Variants in TRMT11 observed in about 807,000 individuals in gnomAD.
The protein encoded by TRMT11 is tRNA methyltransferase 11.
A neutral mutation model predicts 62.8 loss-of-function variants in TRMT11; 53 were observed. That is an observed-to-expected ratio of 0.84 (90% CI 0.68 to 1.06). The LOEUF is 1.06. Ranked by LOEUF, TRMT11 falls within the 50% of genes least tolerant of loss-of-function variation. The pLI, the probability that TRMT11 is intolerant of heterozygous loss-of-function variation, is 0.00. For missense variants in TRMT11, 556 were observed against 553.4 expected (o/e 1.00, Z -0.05); for synonymous variants, 188 against 190.3 (o/e 0.99, Z 0.10).
chr6:126,060,189 A>T (rs1776490648), intron 17 of TRMT11, among the ~76,000 whole-genome samples: 1 of 152,144 alleles, frequency 6.6e-6, no homozygotes, highest in South Asian at 2.1e-4. Flanking sequence ...GTTCTGTTTT[A>T]TTCTTCCTTT....
At chr6:126,051,253 G>C (rs1776210921) in intron 16 of TRMT11, among the ~76,000 whole-genome samples, 1 of 152,206 alleles carries the variant, frequency 6.6e-6, no homozygotes, top group Non-Finnish European at 1.5e-5. Flanking sequence ...TAGTTAGCCA[G>C]GTTAAGCTGG....
chr6:126,190,543 C>T (rs1778586371), intron 1 of TRMT11, among the ~76,000 whole-genome samples: 1 of 152,142 alleles, frequency 6.6e-6, no homozygotes, highest in Non-Finnish European at 1.5e-5. Context: ...AACCTCCTTC[C>T]TTTATAATTA....
intron 21 of TRMT11, among the ~76,000 whole-genome samples, chr6:126,154,431 A>G (rs910507434): frequency 2.0e-5 from 3 of 151,996 alleles, no homozygotes; most frequent in Admixed American, 6.6e-5. Context: ...CCTTGTATGG[A>G]AAAGTTTTAC....
intron 11 of TRMT11, among the ~76,000 whole-genome samples, chr6:126,019,273 A>G (rs1389943738): frequency 1.3e-5 from 2 of 152,232 alleles, no homozygotes; most frequent in African/African-American, 2.4e-5. Flanking sequence ...TAATAGATTA[A>G]TTGTTAAAAA....
intron 21 of TRMT11, among the ~76,000 whole-genome samples, chr6:126,142,306 C>T (rs1348436040): frequency 6.6e-6 from 1 of 152,032 alleles, no homozygotes; most frequent in Non-Finnish European, 1.5e-5. Context: ...AATTCCACAT[C>T]CTTGAGAGAT....
At chr6:126,202,303 T>A (rs377570966), downstream of TRMT11, 1 of 152,214 alleles carries the variant, frequency 6.6e-6, no homozygotes, top group East Asian at 1.9e-4. Context: ...TTTCTTAGGT[T>A]GATGTACCCA....
the TRMT11 span, among the ~76,000 whole-genome samples, chr6:126,256,114 T>C: frequency 6.6e-6 from 1 of 152,232 alleles, no homozygotes; most frequent in African/African-American, 2.4e-5. Flanking sequence ...AGGCTGGTGC[T>C]GGCTGTTGGT....
chr6:126,200,860 C>T (rs1778727944), intron 3 of TRMT11, among the ~76,000 whole-genome samples: 1 of 152,186 alleles, frequency 6.6e-6, no homozygotes, highest in Admixed American at 6.5e-5. Flanking sequence ...GCCCGACATG[C>T]ATTTATAAAT....
intron 17 of TRMT11, among the ~76,000 whole-genome samples, chr6:126,070,639 C>T (rs1776825015): frequency 1.3e-5 from 2 of 152,154 alleles, no homozygotes; most frequent in Admixed American, 6.5e-5. Flanking sequence ...ACTGCTTATT[C>T]TCCAGAAATG....
At chr6:125,992,522 A>G (rs955509784) in intron 1 of TRMT11, among the ~76,000 whole-genome samples, 3 of 152,182 alleles carry the variant, frequency 2.0e-5, no homozygotes, top group Non-Finnish European at 1.5e-5. Flanking sequence ...TAGGACAGTT[A>G]TCAGGGTCCT....
At chr6:126,166,636 G>A (rs1165465555) in intron 21 of TRMT11, among the ~76,000 whole-genome samples, 4 of 152,216 alleles carry the variant, frequency 2.6e-5, no homozygotes, top group Admixed American at 6.5e-5. Context: ...GAGCTCGAGC[G>A]CTATGCTGGG....
intron 21 of TRMT11, among the ~76,000 whole-genome samples, chr6:126,162,404 C>G (rs746987814): frequency 6.6e-6 from 1 of 152,164 alleles, no homozygotes; most frequent in Non-Finnish European, 1.5e-5. Flanking sequence ...GGCCTCTGTT[C>G]TGTTCCATTG....
intron 3 of TRMT11, among the ~76,000 whole-genome samples, chr6:126,200,576 C>T (rs781075216): frequency 3.9e-5 from 6 of 152,210 alleles, no homozygotes; most frequent in East Asian, 1.9e-4. Flanking sequence ...GTTTTTGAGA[C>T]GGAGTCTTGC....
At chr6:126,013,373 C>T (rs766935701) in intron 11 of TRMT11, among the ~76,000 whole-genome samples, 1 of 152,106 alleles carries the variant, frequency 6.6e-6, no homozygotes, top group Non-Finnish European at 1.5e-5. Flanking sequence ...CCTCCCACCT[C>T]AACCTCCTGA....
In TRMT11 at chr6:126,048,386, G is replaced by A. The variant is rs375648975; in HGVS notation, c.*1370-4737G>A. Among the ~76,000 whole-genome samples, 33 of 152,290 alleles carry A rather than the reference G, an allele frequency of 2.2e-4. No homozygotes were observed. The East Asian group carries it at 2.9e-3, about 13-fold the overall frequency. On this transcript the variant is annotated intron_variant and NMD_transcript_variant, in intron 16 of 22. Transcript: ENST00000648977. ...TTGTTATGTTTTTACTGACTGTTAG[G>A]TTGTTGCTAAAGACCTGTGGTTTGA...
chr6:126,108,472 G>T (rs1777488804), intron 17 of TRMT11, among the ~76,000 whole-genome samples: 1 of 152,130 alleles, frequency 6.6e-6, no homozygotes, highest in South Asian at 2.1e-4. Context: ...TATGTGCCAG[G>T]CACCTTACAT....
Position 126,038,782 on chromosome 6 carries a change from T to C in TRMT11, c.1338T>C (p.Tyr446=). 2 of 1,606,744 alleles carry C rather than the reference T, an allele frequency of 1.2e-6. No homozygotes were observed. Among genetic ancestry groups the C allele is most frequent in the Non-Finnish European group, 1.7e-6 (2 of 1,176,810 alleles). Residue 446 remains tyrosine, a synonymous_variant, in exon 13 of 13, where the codon TAT becomes TAC. Transcript: ENST00000334379. ...YQGHNSFREK[Y]FSGVTKRIAK... is the part of the protein sequence containing the mutation. ...GTCATAATTCCTTCCGTGAGAAATATTTTAGTGGGGTAACAAAAAGAATTG... is the reference window on the plus strand; with the variant it reads ...GTCATAATTCCTTCCGTGAGAAATACTTTAGTGGGGTAACAAAAAGAATTG...
chr6:126,251,333 T>G, the TRMT11 span, among the ~76,000 whole-genome samples: 1 of 151,994 alleles, frequency 6.6e-6, no homozygotes, highest in Non-Finnish European at 1.5e-5. Flanking sequence ...CCGGCCCCAA[T>G]TTTTCAATTT....
intron 12 of TRMT11, among the ~76,000 whole-genome samples, chr6:126,029,119 G>A (rs897091487): frequency 1.3e-5 from 2 of 151,850 alleles, no homozygotes; most frequent in African/African-American, 2.4e-5. Context: ...GTATACTTTT[G>A]TATTTTTCTT....
Sources: gnomAD v4.1 joint callset for allele counts (sites outside exome capture counted in the v4.1 genomes callset) on GRCh38, gnomAD v4.1.1 for gene constraint, MANE v1.5 for transcripts, NCBI Gene and HGNC (gene_info 2026-07-23, HGNC 2026-07-21) for gene names.